The following CRACR2A variants were observed in gnomAD, a reference collection of about 807,000 sequenced individuals.
CRACR2A encodes EF-hand calcium-binding domain-containing protein 4B.
In CRACR2A, 79 loss-of-function variants were observed where a neutral mutation model predicts 90.5. The ratio of observed to expected loss-of-function variants is 0.87; its 90% confidence interval spans 0.73 to 1.05. The LOEUF is 1.05. Ranked by LOEUF, CRACR2A falls within the 50% of genes least tolerant of loss-of-function variation. The pLI, the probability that CRACR2A is intolerant of heterozygous loss-of-function variation, is 0.00. For missense variants in CRACR2A, 823 were observed against 897.2 expected (o/e 0.92, Z 1.06); for synonymous variants, 338 against 356.7 (o/e 0.95, Z 0.59).
Position 3,641,822 on chromosome 12 carries a change from T to G in CRACR2A, c.1181A>C (p.Lys394Thr), listed in dbSNP as rs1944577863. 6.4e-7 allele frequency: 1 copy of G among 1,550,924 alleles called. No homozygotes were observed. Among genetic ancestry groups the G allele is most frequent in the Non-Finnish European group, 8.7e-7 (1 of 1,146,370 alleles). Residue 394 changes from lysine (K) to threonine (T), a missense_variant, in exon 13 of 20, where the codon AAG becomes ACG. By Grantham distance (78) the Lys-to-Thr change is moderately conservative. Coordinates refer to ENST00000440314, the MANE Select transcript of CRACR2A (RefSeq NM_001144958.2). The part of the protein sequence containing the change: ...DICFQKNKAA[K>T]ANTAASRASW... Reference sequence around the variant, plus strand: ...TGCCCTGGAAGCAGCTGTGTTTGCCTTGGCTGCCTTATTTTTCTGTAGAAA... The same window carrying G: ...TGCCCTGGAAGCAGCTGTGTTTGCCGTGGCTGCCTTATTTTTCTGTAGAAA...
chr12:3,663,907 G>T (rs1484818732), intron 7 of CRACR2A, among the ~76,000 whole-genome samples: 1 of 152,178 alleles, frequency 6.6e-6, no homozygotes, highest in African/African-American at 2.4e-5. Context: ...CCTCCACTTT[G>T]TGCTTCTGCC....
At chr12:3,667,943 G>A (rs181516309) in intron 7 of CRACR2A, among the ~76,000 whole-genome samples, 21 of 152,368 alleles carry the variant, frequency 1.4e-4, no homozygotes, top group African/African-American at 4.6e-4. Context: ...TGAAATTGCC[G>A]ATTGGATTTT....
intron 3 of CRACR2A, among the ~76,000 whole-genome samples, chr12:3,703,674 C>G (rs549954000): frequency 6.6e-6 from 1 of 152,294 alleles, no homozygotes; most frequent in Non-Finnish European, 1.5e-5. Flanking sequence ...AAACACATAT[C>G]TAATACAGGG....
At chr12:3,680,807 A>G (rs1945433236) in intron 4 of CRACR2A, among the ~76,000 whole-genome samples, 1 of 152,234 alleles carries the variant, frequency 6.6e-6, no homozygotes, top group Admixed American at 6.5e-5. Context: ...CAAACTGTAC[A>G]GGACCAAATA....
At chr12:3,696,330 T>C (rs1945739533) in intron 4 of CRACR2A, among the ~76,000 whole-genome samples, 2 of 152,228 alleles carry the variant, frequency 1.3e-5, no homozygotes, top group Admixed American at 6.5e-5. Flanking sequence ...GTATTTGGGT[T>C]TGAAGGCGAG....
At chr12:3,625,923 G>T (rs961189884) in intron 17 of CRACR2A, among the ~76,000 whole-genome samples, 3 of 152,096 alleles carry the variant, frequency 2.0e-5, no homozygotes, top group Non-Finnish European at 4.4e-5. Context: ...GTAAAAAAAA[G>T]AACAGAAGAG....
At chr12:3,621,736 A>T (rs935515138) in intron 17 of CRACR2A, among the ~76,000 whole-genome samples, 81 of 150,794 alleles carry the variant, frequency 5.4e-4, no homozygotes, top group Non-Finnish European at 1.1e-3. Flanking sequence ...CAGAAAAAAA[A>T]AATTTAAAAG....
At chr12:3,673,421 A>G in intron 7 of CRACR2A, 25 bp downstream of exon 7, 2 of 1,597,796 alleles carry the variant, frequency 1.3e-6, no homozygotes, top group Non-Finnish European at 1.7e-6. Flanking sequence ...TAGTTACAGA[A>G]AGCGGCTGAC....
intron 2 of CRACR2A, among the ~76,000 whole-genome samples, chr12:3,725,590 G>A (rs1946250554): frequency 6.6e-6 from 1 of 152,146 alleles, no homozygotes; most frequent in Admixed American, 6.5e-5. Context: ...ATATTCACCA[G>A]TTCTGGCAGT....
intron 15 of CRACR2A, among the ~76,000 whole-genome samples, chr12:3,629,174 A>G (rs1944334375): frequency 6.6e-6 from 1 of 151,784 alleles, no homozygotes; most frequent in Non-Finnish European, 1.5e-5. Flanking sequence ...ATACACATTC[A>G]CACACACACC....
intron 14 of CRACR2A, among the ~76,000 whole-genome samples, 172 bp downstream of exon 14, chr12:3,637,952 G>T (rs188775896): frequency 6.6e-6 from 1 of 152,168 alleles, no homozygotes; most frequent in Non-Finnish European, 1.5e-5. Flanking sequence ...GAGTCTCCCC[G>T]CATGACACTC....
intron 2 of CRACR2A, chr12:3,728,855 T>C (rs1207226263): frequency 6.6e-6 from 1 of 152,252 alleles, no homozygotes; most frequent in Non-Finnish European, 1.5e-5. Flanking sequence ...GGCAGAAGGA[T>C]GGCTCAATAC....
intron 6 of CRACR2A, among the ~76,000 whole-genome samples, chr12:3,674,309 G>A (rs1281540288): frequency 1.3e-5 from 2 of 152,154 alleles, no homozygotes; most frequent in Non-Finnish European, 2.9e-5. Context: ...AAGACAAGGC[G>A]AGAGAGACTT....
At chr12:3,641,623 C>T in intron 13 of CRACR2A, 109 bp downstream of exon 13, 1 of 895,464 alleles carries the variant, frequency 1.1e-6, no homozygotes, top group Non-Finnish European at 1.7e-6. Flanking sequence ...TGCAGCTGAC[C>T]TCAGTTTCCG....
rs796127588 is a variant in CRACR2A at position 3,635,770 on chromosome 12, T to C, written c.1603-2034A>G. ...ATCCTCTCAACATGGCCTCCCAAAG[T>C]GCTGGAATTACCACCATGGCCTCCC... is the stretch of plus-strand genomic sequence containing the variant. On this transcript the variant is annotated intron_variant, in intron 14 of 19. Coordinates refer to ENST00000440314, the MANE Select transcript of CRACR2A (RefSeq NM_001144958.2). Among the ~76,000 whole-genome samples the C allele has an allele frequency of 3.9e-4, 60 of 152,158 alleles. 1 individual carries two copies. The highest frequency in any genetic ancestry group is 1.4e-3 in the African/African-American group (59 of 41,554).
chr12:3,735,210 A>G (rs1946431746), intron 1 of CRACR2A, among the ~76,000 whole-genome samples: 1 of 152,226 alleles, frequency 6.6e-6, no homozygotes, highest in Non-Finnish European at 1.5e-5. Context: ...TTACACCTCA[A>G]TAAAGCTGGA....
chr12:3,704,467 A>T (rs1256521675), intron 3 of CRACR2A, among the ~76,000 whole-genome samples: 1 of 152,220 alleles, frequency 6.6e-6, no homozygotes, highest in Non-Finnish European at 1.5e-5. Flanking sequence ...ATATGATTCC[A>T]TGATAGTTTC....
intron 1 of CRACR2A, among the ~76,000 whole-genome samples, chr12:3,743,734 A>G (rs1052913705): frequency 6.6e-6 from 1 of 152,168 alleles, no homozygotes; most frequent in African/African-American, 2.4e-5. Context: ...CCCACCCAGA[A>G]GTTTGTTGAA....
At chr12:3,659,761 G>C (rs1329420379) in intron 7 of CRACR2A, 107 bp from the exon 8 acceptor site, 1 of 866,204 alleles carries the variant, frequency 1.2e-6, no homozygotes, top group African/African-American at 1.7e-5. Context: ...TGGGTGTGGG[G>C]GTGACAGCAT....
Sources: allele counts gnomAD v4.1 joint callset (sites outside exome capture counted in the v4.1 genomes callset), GRCh38; gene constraint gnomAD v4.1.1; transcripts MANE v1.5; gene names NCBI Gene and HGNC (gene_info 2026-07-23, HGNC 2026-07-21).